The following GALM variants were observed in gnomAD, a reference collection of about 807,000 sequenced individuals.
GALM encodes aldose 1-epimerase.
In GALM, 43 loss-of-function variants were observed where a neutral mutation model predicts 37.4. The observed-to-expected ratio is 1.15, with a 90% CI of 0.90 to 1.48. The LOEUF (loss-of-function observed/expected upper bound fraction) is 1.48, where lower values mean the gene tolerates loss of function less well. GALM is among the 40% of genes most tolerant of loss of function. The pLI, the probability that GALM is intolerant of heterozygous loss-of-function variation, is 0.00. For synonymous variants in GALM, 199 were observed against 170.6 expected (o/e 1.17, Z -1.30); for missense variants, 456 against 419.1 (o/e 1.09, Z -0.77).
chr2:38,666,129 G>C lies in GALM; in HGVS notation c.-33G>C, dbSNP rs1042219098. 1 of 1,581,770 alleles carries C rather than the reference G, an allele frequency of 6.3e-7. No individual in the cohort carries two copies. The highest frequency in any genetic ancestry group is 8.6e-7 in the Non-Finnish European group (1 of 1,161,840). On this transcript the variant is annotated 5_prime_UTR_variant, in exon 1 of 7. Transcript: ENST00000272252. ...CTTAGCGAGCGCTGGAGTTTGAAGA[G>C]CGGGCAGTGGCTGCACACGCCAAAC...
intron 4 of GALM, among the ~76,000 whole-genome samples, chr2:38,696,577 G>A (rs1434423712): frequency 6.6e-6 from 1 of 151,358 alleles, no homozygotes; most frequent in Non-Finnish European, 1.5e-5. Flanking sequence ...GATTACAGGT[G>A]CACATCACCA....
chr2:38,697,372 T>A (rs534514565), intron 4 of GALM, among the ~76,000 whole-genome samples: 3 of 152,322 alleles, frequency 2.0e-5, no homozygotes, highest in Admixed American at 2.0e-4. Flanking sequence ...TGTATCTTTC[T>A]GCAAGACAAA....
chr2:38,681,173 A>G (rs1188576585), intron 2 of GALM, 107 bp from the exon 3 acceptor site: 3 of 900,404 alleles, frequency 3.3e-6, no homozygotes, highest in Non-Finnish European at 5.5e-6. Flanking sequence ...GTCTTAATTG[A>G]TTGTATAACC....
rs1055064395 is a variant in GALM, at chr2:38,733,950, A to C, written c.*385A>C. 6 of 283,540 alleles carry C rather than the reference A, an allele frequency of 2.1e-5. No homozygotes were observed. The highest frequency in any genetic ancestry group is 8.2e-5 in the East Asian group (1 of 12,182). The allele number at this position is 283,540 out of a possible 1,614,324, so 17.6% of individuals were successfully genotyped here. A position where few individuals can be genotyped will look rare whatever the true frequency, so the allele number is the denominator to read the frequency against. ...CATTGCTTTTATTTCCTCCTCCTTCACCTCCAACCACTGTCAGCAGCACTC... is the reference window on the plus strand; with the variant it reads ...CATTGCTTTTATTTCCTCCTCCTTCCCCTCCAACCACTGTCAGCAGCACTC... On this transcript the variant is annotated 3_prime_UTR_variant, in exon 7 of 7. Transcript: ENST00000272252.
chr2:38,672,169 C>T (rs1344089789), intron 1 of GALM, among the ~76,000 whole-genome samples: 1 of 152,168 alleles, frequency 6.6e-6, no homozygotes, highest in African/African-American at 2.4e-5. Flanking sequence ...GTGGTAGGAG[C>T]CCTGCTGTTG....
At chr2:38,717,264 A>G (rs1412609892) in intron 4 of GALM, among the ~76,000 whole-genome samples, 1 of 151,824 alleles carries the variant, frequency 6.6e-6, no homozygotes, top group African/African-American at 2.4e-5. Flanking sequence ...AAAAAAAAAA[A>G]AAGTTTATGC....
intron 4 of GALM, 56 bp downstream of exon 4, chr2:38,689,950 C>A: frequency 2.1e-6 from 2 of 940,142 alleles, no homozygotes; most frequent in Non-Finnish European, 3.4e-6. Flanking sequence ...CTCTCGAGGC[C>A]AAGAAAGGAC....
At chr2:38,723,640 A>C (rs1666426633) in intron 4 of GALM, among the ~76,000 whole-genome samples, 2 of 151,984 alleles carry the variant, frequency 1.3e-5, no homozygotes, top group South Asian at 4.1e-4. Flanking sequence ...AAATTTAAAA[A>C]TTATAGCTGG....
chr2:38,711,201 C>T (rs1249611794), intron 4 of GALM, among the ~76,000 whole-genome samples: 1 of 150,814 alleles, frequency 6.6e-6, no homozygotes, highest in Non-Finnish European at 1.5e-5. Flanking sequence ...GCTCTGTTGC[C>T]CAGGCTGGCA....
chr2:38,731,146 T>G (rs6754741), intron 5 of GALM, among the ~76,000 whole-genome samples: 130,012 of 152,032 alleles, frequency 0.86, 54,888 homozygotes, highest in East Asian at 0.99. Context: ...AGAATTGCTT[T>G]AACCAAGGGG....
chr2:38,698,192 C>T (rs1289850890), intron 4 of GALM, among the ~76,000 whole-genome samples: 1 of 152,104 alleles, frequency 6.6e-6, no homozygotes, highest in East Asian at 1.9e-4. Flanking sequence ...GATCTGCTCA[C>T]CTCAGCCTTT....
At chr2:38,711,532 T>G (rs535911835) in intron 4 of GALM, among the ~76,000 whole-genome samples, 1 of 151,990 alleles carries the variant, frequency 6.6e-6, no homozygotes, top group Admixed American at 6.6e-5. Context: ...TTTTCACCCA[T>G]GCTGTGGATC....
intron 4 of GALM, among the ~76,000 whole-genome samples, chr2:38,695,297 CAAAATAAAT>C (rs1665780433): frequency 6.6e-6 from 1 of 151,746 alleles, no homozygotes; most frequent in Non-Finnish European, 1.5e-5. Flanking sequence ...AGCCCAGTCT[CAAAATAAAT>C]AAATTAAATA....
chr2:38,719,329 G>A (rs956514618), intron 4 of GALM, among the ~76,000 whole-genome samples: 11 of 151,752 alleles, frequency 7.2e-5, no homozygotes, highest in Non-Finnish European at 1.2e-4. Context: ...AATTAGCCAG[G>A]CGTGGTGGCA....
At chr2:38,679,145 C>T (rs939590727) in intron 2 of GALM, among the ~76,000 whole-genome samples, 1 of 152,074 alleles carries the variant, frequency 6.6e-6, no homozygotes, top group East Asian at 1.9e-4. Flanking sequence ...AGCCACCATA[C>T]GTGGCTAATT....
intron 4 of GALM, among the ~76,000 whole-genome samples, chr2:38,691,397 G>A (rs748785247): frequency 2.0e-4 from 31 of 152,154 alleles, no homozygotes; most frequent in African/African-American, 6.0e-4. Context: ...ACTTGCGTTC[G>A]CTGGGTATGG....
At chr2:38,700,379 A>C (rs1221751752) in intron 4 of GALM, among the ~76,000 whole-genome samples, 1 of 152,122 alleles carries the variant, frequency 6.6e-6, no homozygotes, top group African/African-American at 2.4e-5. Flanking sequence ...TAGATCTAAT[A>C]ATATTTGCTT....
chr2:38,677,143 A>G (rs971096708), intron 2 of GALM, among the ~76,000 whole-genome samples: 2 of 152,236 alleles, frequency 1.3e-5, no homozygotes, highest in Non-Finnish European at 1.5e-5. Flanking sequence ...TCCTAGCCCC[A>G]TGGGAGTCTA....
At chr2:38,701,813 T>G (rs1665927265) in intron 4 of GALM, among the ~76,000 whole-genome samples, 1 of 152,168 alleles carries the variant, frequency 6.6e-6, no homozygotes, top group Non-Finnish European at 1.5e-5. Flanking sequence ...TGTTTTGATC[T>G]TTATGTATTA....
Sources: gnomAD v4.1 joint callset for allele counts (sites outside exome capture counted in the v4.1 genomes callset) on GRCh38, gnomAD v4.1.1 for gene constraint, MANE v1.5 for transcripts, NCBI Gene and HGNC (gene_info 2026-07-23, HGNC 2026-07-21) for gene names.